The following ATP1A1 variants were observed in gnomAD, a reference collection of about 807,000 sequenced individuals.
The protein encoded by ATP1A1 is ATPase Na+/K+ transporting subunit alpha 1.
Under a neutral mutation model 114.8 loss-of-function variants are expected in ATP1A1, and 14 were observed. That is an observed-to-expected ratio of 0.12 (90% CI 0.08 to 0.19). ATP1A1 has a LOEUF of 0.19. ATP1A1 is among the 10% of genes least tolerant of loss of function. The pLI is 1.00. For synonymous variants in ATP1A1, 471 were observed against 466.3 expected, an observed-to-expected ratio of 1.01 and a Z score of -0.13; for missense variants, 524 against 1,290.7, an observed-to-expected ratio of 0.41 and a Z score of 9.10.
Position 116,388,527 on chromosome 1 carries a change from C to CT in ATP1A1, c.502-108dup. The CT allele has an allele frequency of 7.1e-7, 1 of 1,402,208 alleles. No individual in the cohort carries two copies. Among genetic ancestry groups the CT allele is most frequent in the East Asian group, 2.3e-5 (1 of 43,160 alleles). 86.9% of individuals were successfully genotyped at this position (1,402,208 alleles called of 1,614,324 possible). ...GTGTAAATAAAAAAGTGAATAATAT[C>CT]TTTGTTTTGTATTCAGGTAATTAGG... On this transcript the variant is annotated intron_variant, in intron 5 of 22. Transcript: ENST00000295598. This position sits in a 1 kb window ranked among gnomAD's most constrained non-coding sequence, Gnocchi z 5.6.
At chr1:116,400,759 C>G in intron 18 of ATP1A1, 102 bp from the exon 19 acceptor site, 2 of 1,384,378 alleles carry the variant, frequency 1.4e-6, no homozygotes, top group Non-Finnish European at 2.0e-6. Context: ...GGAAACACTC[C>G]TCCATATGTG....
chr1:116,399,434 C>A lies in ATP1A1; in HGVS notation c.2463C>A (p.Ser821=). The A allele has an allele frequency of 6.2e-7, 1 of 1,614,156 alleles. No individual in the cohort carries two copies. The highest frequency in any genetic ancestry group is 8.5e-7 in the Non-Finnish European group (1 of 1,180,012). ...DLGTDMVPAI[S]LAYEQAESDI... The stretch of plus-strand genomic sequence containing the variant: ...CCCCTTCCCAGGTTCCTGCCATCTC[C>A]CTGGCTTATGAGCAGGCTGAGAGTG... The change falls in exon 18 of 23, where the codon TCC becomes TCA. Residue 821 remains serine, a synonymous_variant. Transcript: ENST00000295598. The surrounding 1 kb of genome is among the most constrained non-coding windows in gnomAD (Gnocchi z 5.0).
chr1:116,386,335 T>G (rs1423926393), intron 3 of ATP1A1, among the ~76,000 whole-genome samples: 1 of 152,082 alleles, frequency 6.6e-6, no homozygotes, highest in African/African-American at 2.4e-5. Context: ...TAATGAAGTG[T>G]GCTCTCTCCG....
Position 116,398,163 on chromosome 1 carries a change from G to A in ATP1A1, c.2124+125G>A. 7.5e-7 allele frequency: 1 copy of A among 1,332,878 alleles called. No individual in the cohort carries two copies. The highest frequency in any genetic ancestry group is 1.0e-6 in the Non-Finnish European group (1 of 985,164). 82.6% of individuals were successfully genotyped at this position (1,332,878 alleles called of 1,614,324 possible). A position where few individuals can be genotyped will look rare whatever the true frequency, so the allele number is the denominator to read the frequency against. Reference sequence around the variant, plus strand: ...CGCTGTATTAGACTCAGTATAAATAGGCCAGTAGGAAGCTCATAGGCATAG... The same window carrying A: ...CGCTGTATTAGACTCAGTATAAATAAGCCAGTAGGAAGCTCATAGGCATAG... On this transcript the variant is annotated intron_variant, in intron 15 of 22. Coordinates refer to ENST00000295598, the MANE Select transcript of ATP1A1 (RefSeq NM_000701.8). This position sits in a 1 kb window ranked among gnomAD's most constrained non-coding sequence, Gnocchi z 6.1.
In ATP1A1 at chr1:116,389,677, T is replaced by C. The variant is rs765344362; in HGVS notation, c.993T>C (p.Asn331=). Reference sequence around the variant, plus strand: ...TCCTCATCGGTATCATCGTAGCCAATGTGCCGGAAGGTTTGCTGGCCACTG... The same window carrying C: ...TCCTCATCGGTATCATCGTAGCCAACGTGCCGGAAGGTTTGCTGGCCACTG... ...VIFLIGIIVA[N]VPEGLLATVT... The change falls in exon 8 of 23, where the codon AAT becomes AAC. Residue 331 remains asparagine (N), a synonymous_variant. Transcript: ENST00000295598. This position sits in a 1 kb window ranked among gnomAD's most constrained non-coding sequence, Gnocchi z 6.9. The C allele has an allele frequency of 8.2e-5, 132 of 1,614,124 alleles. No homozygotes were observed. Among genetic ancestry groups the C allele is most frequent in the Non-Finnish European group, 1.1e-4 (126 of 1,180,056 alleles).
chr1:116,398,755 C>T lies in ATP1A1; in HGVS notation c.2259C>T (p.Asp753=), dbSNP rs1653144111. 4 of 1,614,148 alleles carry T rather than the reference C, an allele frequency of 2.5e-6. No homozygotes were observed. Among genetic ancestry groups the T allele is most frequent in the Non-Finnish European group, 2.5e-6 (3 of 1,180,026 alleles). ...KQAADMILLD[D]NFASIVTGVE... Reference sequence around the variant, plus strand: ...CTGCTGACATGATTCTTCTGGATGACAACTTTGCCTCAATTGTGACTGGAG... The same window carrying T: ...CTGCTGACATGATTCTTCTGGATGATAACTTTGCCTCAATTGTGACTGGAG... Residue 753 remains aspartate, a synonymous_variant, in exon 16 of 23, where the codon GAC becomes GAT. Transcript: ENST00000295598. This position sits in a 1 kb window ranked among gnomAD's most constrained non-coding sequence, Gnocchi z 6.1.
At chr1:116,400,375 G>A (rs1349411361) in intron 18 of ATP1A1, among the ~76,000 whole-genome samples, 1 of 152,168 alleles carries the variant, frequency 6.6e-6, no homozygotes, top group Non-Finnish European at 1.5e-5. Flanking sequence ...TGAGGAACTT[G>A]GAGCAGCGTG....
At position 116,397,787 on chromosome 1, in the gene ATP1A1, G is replaced by A; in HGVS notation, c.1974-101G>A. 7.1e-7 allele frequency: 1 copy of A among 1,407,864 alleles called. No individual in the cohort carries two copies. Among genetic ancestry groups the A allele is most frequent in the Middle Eastern group, 1.9e-4 (1 of 5,404 alleles). 87.2% of individuals were successfully genotyped at this position (1,407,864 alleles called of 1,614,324 possible). The stretch of plus-strand genomic sequence containing the variant: ...CTGGGGAAAATTCCTTCTTTGTTTT[G>A]TTTACAAAGTGATCTGCATAAGAAT... On this transcript the variant is annotated intron_variant, in intron 14 of 22. Transcript: ENST00000295598. This position sits in a 1 kb window ranked among gnomAD's most constrained non-coding sequence, Gnocchi z 4.2.
At position 116,395,955 on chromosome 1, in the gene ATP1A1, G is replaced by A. The variant is rs1218949058; in HGVS notation, c.1837-643G>A. Among the ~76,000 whole-genome samples the A allele has an allele frequency of 1.3e-5, 2 of 152,094 alleles. No individual in the cohort carries two copies. The highest frequency in any genetic ancestry group is 6.6e-5 in the Admixed American group (1 of 15,260). The stretch of plus-strand genomic sequence containing the variant: ...TTAAGTAAAGATAGGGTTTCGCCAC[G>A]TTGGCCAGGCTGGTCTCAAACTCCT... On this transcript the variant is annotated intron_variant, in intron 13 of 22. Transcript: ENST00000295598. The surrounding 1 kb of genome is among the most constrained non-coding windows in gnomAD (Gnocchi z 6.4).
At position 116,395,018 on chromosome 1, in the gene ATP1A1, C is replaced by A; in HGVS notation, c.1661-92C>A. 7.4e-7 allele frequency: 1 copy of A among 1,351,074 alleles called. No individual in the cohort carries two copies. The highest frequency in any genetic ancestry group is 1.0e-6 in the Non-Finnish European group (1 of 991,076). The allele number at this position is 1,351,074 out of a possible 1,614,324, so 83.7% of individuals were successfully genotyped here. On this transcript the variant is annotated intron_variant, in intron 12 of 22. Coordinates refer to ENST00000295598, the MANE Select transcript of ATP1A1 (RefSeq NM_000701.8). The surrounding 1 kb of genome is among the most constrained non-coding windows in gnomAD (Gnocchi z 6.4). ...TAAAAATTTTCCAAAGTAAACACTCCAGAGAAAGGTAGGCGGGCTGAATAG... is the reference window on the plus strand; with the variant it reads ...TAAAAATTTTCCAAAGTAAACACTCAAGAGAAAGGTAGGCGGGCTGAATAG...
chr1:116,401,679 CA>C lies in ATP1A1; in HGVS notation c.2951+29del. The C allele has an allele frequency of 6.3e-7, 1 of 1,597,970 alleles. No individual in the cohort carries two copies. The highest frequency in any genetic ancestry group is 8.6e-7 in the Non-Finnish European group (1 of 1,167,016). The stretch of plus-strand genomic sequence containing the variant: ...AAGTAAGTTGATCCTCTGGTAGCTC[CA>C]AAAAGTATGAAATAGTATGTGTGGC... On this transcript the variant is annotated intron_variant, in intron 21 of 22. Coordinates refer to ENST00000295598, the MANE Select transcript of ATP1A1 (RefSeq NM_000701.8). The surrounding 1 kb of genome is among the most constrained non-coding windows in gnomAD (Gnocchi z 4.7).
rs1653838722 is a variant in ATP1A1 at position 116,404,767 on chromosome 1, T to C, written c.*323T>C. 2.7e-6 allele frequency: 3 copies of C among 1,122,984 alleles called. No homozygotes were observed. Among genetic ancestry groups the C allele is most frequent in the Non-Finnish European group, 3.3e-6 (3 of 920,302 alleles). 69.6% of individuals were successfully genotyped at this position (1,122,984 alleles called of 1,614,324 possible). A position where few individuals can be genotyped will look rare whatever the true frequency, so the allele number is the denominator to read the frequency against. ...TTTTTACAAATAAAGATGGCTATTA[T>C]AATGGAATTTGTCTGTGCCCTCGTC... On this transcript the variant is annotated 3_prime_UTR_variant, in exon 23 of 23. Transcript: ENST00000295598. This position sits in a 1 kb window ranked among gnomAD's most constrained non-coding sequence, Gnocchi z 4.8.
At position 116,387,767 on chromosome 1, in the gene ATP1A1, C is replaced by T. The variant is rs535298449; in HGVS notation, c.387+276C>T. On this transcript the variant is annotated intron_variant, in intron 4 of 22. Coordinates refer to ENST00000295598, the MANE Select transcript of ATP1A1 (RefSeq NM_000701.8). The surrounding 1 kb of genome is among the most constrained non-coding windows in gnomAD (Gnocchi z 6.7). ...GCTCTGCTCAGGCCCCGGCCGCCACCCACTGGATGGCAGAGCACAGCGATT... is the reference window on the plus strand; with the variant it reads ...GCTCTGCTCAGGCCCCGGCCGCCACTCACTGGATGGCAGAGCACAGCGATT... Among the ~76,000 whole-genome samples, 1 of 152,366 alleles carries T rather than the reference C, an allele frequency of 6.6e-6. No individual in the cohort carries two copies. Among genetic ancestry groups the T allele is most frequent in the East Asian group, 1.9e-4 (1 of 5,182 alleles).
At position 116,398,799 on chromosome 1, in the gene ATP1A1, A is replaced by G. The variant is rs371256044; in HGVS notation, c.2293+10A>G. 28 of 1,613,858 alleles carry G rather than the reference A, an allele frequency of 1.7e-5. No homozygotes were observed. The African/African-American group carries it at 3.1e-4, about 18-fold the overall frequency. ...ACTGGAGTAGAGGAAGGTGAGAGCT[A>G]TTTAAGGTGTACACCAAGATCTTAT... On this transcript the variant is annotated intron_variant, in intron 16 of 22. Coordinates refer to ENST00000295598, the MANE Select transcript of ATP1A1 (RefSeq NM_000701.8). This position sits in a 1 kb window ranked among gnomAD's most constrained non-coding sequence, Gnocchi z 6.1.
chr1:116,398,180 T>C lies in ATP1A1; in HGVS notation c.2124+142T>C. The C allele has an allele frequency of 1.6e-6, 2 of 1,217,448 alleles. No individual in the cohort carries two copies. Among genetic ancestry groups the C allele is most frequent in the Non-Finnish European group, 2.2e-6 (2 of 890,862 alleles). 75.4% of individuals were successfully genotyped at this position (1,217,448 alleles called of 1,614,324 possible). A position where few individuals can be genotyped will look rare whatever the true frequency, so the allele number is the denominator to read the frequency against. On this transcript the variant is annotated intron_variant, in intron 15 of 22. Transcript: ENST00000295598. This position sits in a 1 kb window ranked among gnomAD's most constrained non-coding sequence, Gnocchi z 6.1. ...TATAAATAGGCCAGTAGGAAGCTCATAGGCATAGAGAGGGTGACTTGTTAA... is the reference window on the plus strand; with the variant it reads ...TATAAATAGGCCAGTAGGAAGCTCACAGGCATAGAGAGGGTGACTTGTTAA...
Position 116,373,262 on chromosome 1 carries a change from G to T in ATP1A1, c.-250G>T. On this transcript the variant is annotated 5_prime_UTR_variant, in exon 1 of 23. Coordinates refer to ENST00000295598, the MANE Select transcript of ATP1A1 (RefSeq NM_000701.8). ...GCGGGCTGGAGCTGCGGCGGGGTCT[G>T]GGGCGCAGAGCAGCGGCGGGAGGAG... 3 of 382,588 alleles carry T rather than the reference G, an allele frequency of 7.8e-6. No individual in the cohort carries two copies. The highest frequency in any genetic ancestry group is 7.8e-5 in the South Asian group (1 of 12,796). The allele number at this position is 382,588 out of a possible 1,614,324, so 23.7% of individuals were successfully genotyped here.
In ATP1A1 at chr1:116,388,522, A is replaced by G. The variant is rs376252309; in HGVS notation, c.502-116A>G. The stretch of plus-strand genomic sequence containing the variant: ...AACTTGTGTAAATAAAAAAGTGAAT[A>G]ATATCTTTGTTTTGTATTCAGGTAA... On this transcript the variant is annotated intron_variant, in intron 5 of 22. Transcript: ENST00000295598. The surrounding 1 kb of genome is among the most constrained non-coding windows in gnomAD (Gnocchi z 5.6). The G allele has an allele frequency of 1.4e-6, 2 of 1,385,426 alleles. No individual in the cohort carries two copies. Among genetic ancestry groups the G allele is most frequent in the African/African-American group, 2.9e-5 (2 of 68,098 alleles). The allele number at this position is 1,385,426 out of a possible 1,614,324, so 85.8% of individuals were successfully genotyped here.
chr1:116,373,557 G>A, intron 1 of ATP1A1, 34 bp downstream of exon 1: 1 of 1,430,602 alleles, frequency 7.0e-7, no homozygotes, highest in Non-Finnish European at 9.2e-7. Context: ...AGGGGGCTCG[G>A]GGAGCCCTCG....
chr1:116,374,385 CAGGG>C, intron 1 of ATP1A1: 1 of 1,197,966 alleles, frequency 8.3e-7, no homozygotes, highest in South Asian at 1.4e-5. Flanking sequence ...GCAGACCCAC[CAGGG>C]CCTCAGGGTA....
Sources: gnomAD v4.1 joint callset for allele counts (sites outside exome capture counted in the v4.1 genomes callset) on GRCh38, gnomAD v4.1.1 for gene constraint, Gnocchi (gnomAD v3.1) non-coding constraint, MANE v1.5 for transcripts, NCBI Gene and HGNC (gene_info 2026-07-23, HGNC 2026-07-21) for gene names.